Variants in ERICH6B observed in about 807,000 individuals in gnomAD.
The protein encoded by ERICH6B is glutamate rich 6B.
In ERICH6B, 69 loss-of-function variants were observed where a neutral mutation model predicts 80.0. The observed-to-expected ratio is 0.86, with a 90% CI of 0.71 to 1.05. ERICH6B has a LOEUF of 1.05. ERICH6B is among the 50% of genes least tolerant of loss of function. The probability of loss-of-function intolerance (pLI) is 0.00; values close to 1 mark genes in which losing one functional copy is unlikely to be tolerated. For synonymous variants in ERICH6B, 283 were observed against 291.9 expected, an observed-to-expected ratio of 0.97 and a Z score of 0.31; for missense variants, 754 against 796.1, an observed-to-expected ratio of 0.95 and a Z score of 0.64.
intron 8 of ERICH6B, among the ~76,000 whole-genome samples, chr13:45,572,272 C>T (rs1233690712): frequency 2.0e-5 from 3 of 152,178 alleles, no homozygotes; most frequent in Non-Finnish European, 4.4e-5. Context: ...GGGCACTGCC[C>T]TGAGCTGCCA....
chr13:45,593,591 C>A (rs1393086131), intron 3 of ERICH6B, among the ~76,000 whole-genome samples: 1 of 151,254 alleles, frequency 6.6e-6, no homozygotes, highest in Non-Finnish European at 1.5e-5. Flanking sequence ...GAGGTTAAGT[C>A]ACTTGCCCAA....
chr13:45,590,896 G>C (rs1876129404), intron 3 of ERICH6B, among the ~76,000 whole-genome samples, 199 bp from the exon 4 acceptor site: 1 of 152,136 alleles, frequency 6.6e-6, no homozygotes, highest in Non-Finnish European at 1.5e-5. Flanking sequence ...AACTCAAGAA[G>C]ATACTTTTCA....
intron 4 of ERICH6B, 147 bp downstream of exon 4, chr13:45,590,502 A>G: frequency 1.5e-6 from 1 of 676,824 alleles, no homozygotes. Context: ...AGAGGCGAGC[A>G]GGGTTGTAAC....
intron 8 of ERICH6B, among the ~76,000 whole-genome samples, chr13:45,569,675 C>T (rs1875068333): frequency 6.6e-6 from 1 of 152,196 alleles, no homozygotes; most frequent in African/African-American, 2.4e-5. Context: ...TATCTTCCTA[C>T]AGCAAGTGAA....
chr13:45,577,227 C>T (rs1241481436), intron 7 of ERICH6B, among the ~76,000 whole-genome samples: 1 of 150,450 alleles, frequency 6.6e-6, no homozygotes, highest in Non-Finnish European at 1.5e-5. Context: ...CTAGCACACA[C>T]TGTTCCCCAG....
At position 45,553,169 on chromosome 13, in the gene ERICH6B, T is replaced by A; in HGVS notation, c.1408-2853A>T. ...TAGTATGTTTATTAGTCACCGTTTT[T>A]GACACATGAGTTTCCTTTCTGTTCT... is the stretch of plus-strand genomic sequence containing the variant. On this transcript the variant is annotated intron_variant, in intron 11 of 14. Transcript: ENST00000298738. 1.1e-5 allele frequency: 3 copies of A among 261,130 alleles called. No individual in the cohort carries two copies. The South Asian group carries it at 1.2e-4, about 10-fold the overall frequency. 16.2% of individuals were successfully genotyped at this position (261,130 alleles called of 1,614,324 possible). A position where few individuals can be genotyped will look rare whatever the true frequency, so the allele number is the denominator to read the frequency against.
intron 5 of ERICH6B, among the ~76,000 whole-genome samples, chr13:45,584,014 G>A (rs557971415): frequency 2.0e-5 from 3 of 152,234 alleles, no homozygotes; most frequent in African/African-American, 4.8e-5. Context: ...CCTTTCCTAC[G>A]AAGACTGGTT....
At chr13:45,598,750 C>T (rs1949804759) in intron 2 of ERICH6B, among the ~76,000 whole-genome samples, 1 of 152,162 alleles carries the variant, frequency 6.6e-6, no homozygotes, top group Admixed American at 6.5e-5. Flanking sequence ...GAAGGACTTG[C>T]CGCCCAGCGG....
intron 1 of ERICH6B, among the ~76,000 whole-genome samples, chr13:45,613,285 G>A (rs1949910342): frequency 6.6e-6 from 1 of 152,154 alleles, no homozygotes; most frequent in South Asian, 2.1e-4. Flanking sequence ...TCTCCTTGGT[G>A]CCTCCATAAA....
intron 5 of ERICH6B, among the ~76,000 whole-genome samples, chr13:45,581,212 G>GT (rs1339159516): frequency 3.3e-5 from 5 of 152,110 alleles, no homozygotes; most frequent in South Asian, 2.1e-4. Context: ...TAGGACTTTT[G>GT]TAAGTTCTTG....
chr13:45,549,850 T>G (rs1312032321), intron 13 of ERICH6B, 43 bp downstream of exon 13: 5 of 1,531,276 alleles, frequency 3.3e-6, no homozygotes, highest in Non-Finnish European at 4.4e-6. Flanking sequence ...TCCAGCTGCT[T>G]CTCCATGGGC....
rs1319621015 is a variant in ERICH6B, at chr13:45,550,271, C to T, written c.1453G>A (p.Val485Ile). 5 of 1,551,546 alleles carry T rather than the reference C, an allele frequency of 3.2e-6. No individual in the cohort carries two copies. The African/African-American group carries it at 6.8e-5, about 21-fold the overall frequency. Residue 485 changes from valine (V) to isoleucine (I), a missense_variant, in exon 12 of 15, where the codon GTC becomes ATC. By Grantham distance (29) the Val-to-Ile change is conservative. Transcript: ENST00000298738. ...CCATCAGGAAAGAGAATTTGATAGA[C>T]ATTCTTGTTGGGGTAGAGAATTAAT... is the stretch of plus-strand genomic sequence containing the variant. ...GKLILYPNKN[V>I]YQILFPDGTG...
At chr13:45,610,490 A>G (rs1420765520) in intron 1 of ERICH6B, among the ~76,000 whole-genome samples, 1 of 152,308 alleles carries the variant, frequency 6.6e-6, no homozygotes, top group Admixed American at 6.5e-5. Flanking sequence ...CACGTCAATT[A>G]GACTCTTTCT....
At chr13:45,606,526 TATATATATATATATA>T (rs1566307749) in intron 2 of ERICH6B, among the ~76,000 whole-genome samples, 7 of 33,934 alleles carry the variant, frequency 2.1e-4, no homozygotes, top group African/African-American at 8.6e-4. Flanking sequence ...TATATATATA[TATATATATATATATA>T]TATATATTTT....
At chr13:45,594,267 ATC>A (rs1362165473) in intron 3 of ERICH6B, among the ~76,000 whole-genome samples, 1 of 152,202 alleles carries the variant, frequency 6.6e-6, no homozygotes, top group Admixed American at 6.5e-5. Context: ...GCATTTCAGC[ATC>A]TCCCTAGTGT....
At chr13:45,590,508 G>C (rs1876113135) in intron 4 of ERICH6B, 141 bp downstream of exon 4, 1 of 732,168 alleles carries the variant, frequency 1.4e-6, no homozygotes, top group Non-Finnish European at 2.2e-6. Flanking sequence ...GAGCAGGGTT[G>C]TAACTTCCAG....
chr13:45,580,150 C>T (rs965466514), intron 6 of ERICH6B, among the ~76,000 whole-genome samples, 176 bp from the exon 7 acceptor site: 4 of 152,094 alleles, frequency 2.6e-5, no homozygotes, highest in Non-Finnish European at 5.9e-5. Context: ...GTTGGAGGCC[C>T]GCAGAACATG....
chr13:45,576,485 A>G (rs1016553789), intron 7 of ERICH6B, among the ~76,000 whole-genome samples: 7 of 152,226 alleles, frequency 4.6e-5, no homozygotes, highest in African/African-American at 1.7e-4. Flanking sequence ...AAAACCCAGC[A>G]AGAATCCTTG....
intron 2 of ERICH6B, among the ~76,000 whole-genome samples, chr13:45,606,528 TATATATATATATATATA>T (rs1566307779): frequency 2.3e-3 from 83 of 35,446 alleles, no homozygotes; most frequent in African/African-American, 8.2e-3. Context: ...TATATATATA[TATATATATATATATATA>T]TATTTTTTTT....
Sources: gnomAD v4.1 joint callset for allele counts (sites outside exome capture counted in the v4.1 genomes callset) on GRCh38, gnomAD v4.1.1 for gene constraint, MANE v1.5 for transcripts, NCBI Gene and HGNC (gene_info 2026-07-23, HGNC 2026-07-21) for gene names.